Variants in MAN1A1 observed in about 807,000 individuals in gnomAD.
MAN1A1 encodes mannosyl-oligosaccharide 1,2-alpha-mannosidase IA.
In MAN1A1, 29 loss-of-function variants were observed where a neutral mutation model predicts 70.8. That is an observed-to-expected ratio of 0.41 (90% confidence interval 0.31 to 0.56). The LOEUF (loss-of-function observed/expected upper bound fraction) is 0.56, where lower values mean the gene tolerates loss of function less well. Among genes scored for constraint, MAN1A1 ranks in the 20% least tolerant of loss-of-function variants. MAN1A1 has a pLI of 0.29. For synonymous variants in MAN1A1, 349 were observed against 330.1 expected, an observed-to-expected ratio of 1.06 and a Z score of -0.62; for missense variants, 747 against 841.3, an observed-to-expected ratio of 0.89 and a Z score of 1.39.
At chr6:119,328,560 T>A (rs1292475181) in intron 2 of MAN1A1, among the ~76,000 whole-genome samples, 1 of 152,192 alleles carries the variant, frequency 6.6e-6, no homozygotes, top group East Asian at 1.9e-4. Flanking sequence ...AGAAAAATAA[T>A]TTTCTGCTGT....
At chr6:119,183,475 A>G (rs1316840680) in intron 11 of MAN1A1, among the ~76,000 whole-genome samples, 1 of 148,606 alleles carries the variant, frequency 6.7e-6, no homozygotes, top group Non-Finnish European at 1.5e-5. Flanking sequence ...TAAAAAAAGG[A>G]AAAAAATCAG....
intron 2 of MAN1A1, among the ~76,000 whole-genome samples, chr6:119,325,011 C>T (rs1582804986): frequency 6.6e-6 from 1 of 152,210 alleles, no homozygotes; most frequent in Admixed American, 6.5e-5. Flanking sequence ...GGAAGCAAAA[C>T]AGCCTTAGTT....
At chr6:119,235,466 CT>C (rs1334892348) in intron 6 of MAN1A1, among the ~76,000 whole-genome samples, 1 of 152,196 alleles carries the variant, frequency 6.6e-6, no homozygotes, top group African/African-American at 2.4e-5. Context: ...CCCTAACTCT[CT>C]TTAATTCTAC....
At chr6:119,187,005 A>G (rs1426043186) in intron 11 of MAN1A1, among the ~76,000 whole-genome samples, 4 of 152,222 alleles carry the variant, frequency 2.6e-5, no homozygotes, top group Non-Finnish European at 4.4e-5. Context: ...ATCATAACAC[A>G]TAAACCAACC....
chr6:119,251,894 C>T (rs1775326949), intron 5 of MAN1A1, among the ~76,000 whole-genome samples: 1 of 152,222 alleles, frequency 6.6e-6, no homozygotes, highest in Non-Finnish European at 1.5e-5. Context: ...TTTCCTCTGC[C>T]TGCAATGCTC....
At chr6:119,208,339 T>C (rs988110855) in intron 6 of MAN1A1, among the ~76,000 whole-genome samples, 1 of 152,208 alleles carries the variant, frequency 6.6e-6, no homozygotes, top group African/African-American at 2.4e-5. Context: ...ATTTTCAGTA[T>C]TCTATAAAGG....
chr6:119,282,725 G>A (rs1290942198), intron 5 of MAN1A1, among the ~76,000 whole-genome samples: 5 of 151,714 alleles, frequency 3.3e-5, no homozygotes, highest in Admixed American at 2.0e-4. Flanking sequence ...AGAAATCAAA[G>A]GGCCAAACAT....
chr6:119,324,763 T>C (rs1403808333), intron 2 of MAN1A1, among the ~76,000 whole-genome samples: 1 of 152,198 alleles, frequency 6.6e-6, no homozygotes, highest in Non-Finnish European at 1.5e-5. Flanking sequence ...ATGAATATTT[T>C]ATTTGACAAT....
At chr6:119,221,815 C>G (rs771713964) in intron 6 of MAN1A1, among the ~76,000 whole-genome samples, 24 of 152,068 alleles carry the variant, frequency 1.6e-4, no homozygotes, top group South Asian at 2.1e-4. Flanking sequence ...GAAAAAGTAA[C>G]AGCAAGAGTG....
At chr6:119,292,221 C>T (rs1297153546) in intron 4 of MAN1A1, among the ~76,000 whole-genome samples, 1 of 151,902 alleles carries the variant, frequency 6.6e-6, no homozygotes. Context: ...AATAGCTAAC[C>T]TACTATTTAG....
Position 119,348,791 on chromosome 6 carries a change from GC to G in MAN1A1, c.274del (p.Ala92ArgfsTer111). ...CCCCTCGGCCGCGTCCTCGGCGCGC[GC>G]CCCGGGCCCGGGCTTGTGGTCGGCG... Reference protein sequence around the residue: ...PAADHKPGPGARAEDAAEGRA... With the variant: ...PAADHKPGPGXRAEDAAEGRA... On this transcript the variant is annotated frameshift_variant, in exon 2 of 13. Coordinates refer to ENST00000368468, the MANE Select transcript of MAN1A1 (RefSeq NM_005907.4). LOFTEE classifies it high-confidence loss of function. 2 of 1,405,038 alleles carry G rather than the reference GC, an allele frequency of 1.4e-6. No homozygotes were observed. Among genetic ancestry groups the G allele is most frequent in the Non-Finnish European group, 1.9e-6 (2 of 1,078,946 alleles). 87.0% of individuals were successfully genotyped at this position (1,405,038 alleles called of 1,614,324 possible).
In MAN1A1 at chr6:119,323,248, T is replaced by G. The variant is rs3798645; in HGVS notation, c.604-16256A>C. The stretch of plus-strand genomic sequence containing the variant: ...TTCTTCCTTTTAAATAAGGAGTCAG[T>G]GTGTTTCCCTTTATGCCTATAGATT... On this transcript the variant is annotated intron_variant, in intron 2 of 12. Transcript: ENST00000368468. Among the ~76,000 whole-genome samples the G allele has an allele frequency of 5.9e-3, 894 of 152,304 alleles. 29 individuals are homozygous for G. In the East Asian group the frequency reaches 0.091, roughly 15 times the overall value.
At position 119,202,858 on chromosome 6, in the gene MAN1A1, A is replaced by C. The variant is rs571058381; in HGVS notation, c.1117-1511T>G. ...GCTATGGATTGAACTGCATACCCCT[A>C]ATTTCATATGCTGAAACCCTACTTC... On this transcript the variant is annotated intron_variant, in intron 7 of 12. Coordinates refer to ENST00000368468, the MANE Select transcript of MAN1A1 (RefSeq NM_005907.4). 7.9e-5 allele frequency among the ~76,000 whole-genome samples: 12 copies of C among 152,352 alleles called. 1 individual carries two copies. The South Asian group carries it at 1.7e-3, about 21-fold the overall frequency.
intron 5 of MAN1A1, among the ~76,000 whole-genome samples, chr6:119,253,131 G>A (rs1292627383): frequency 6.6e-6 from 1 of 152,106 alleles, no homozygotes; most frequent in African/African-American, 2.4e-5. Context: ...GACAAAAAGT[G>A]GATTTTATAT....
rs138426595 is a variant in MAN1A1 at position 119,277,250 on chromosome 6, T to C, written c.897+13433A>G. On this transcript the variant is annotated intron_variant, in intron 5 of 12. Transcript: ENST00000368468. ...CCTCTCTTGGGAAAACATTTCATCA[T>C]GTAGCAGAAGTGACTTCGTTATTAT... 9.5e-3 allele frequency among the ~76,000 whole-genome samples: 1,447 copies of C among 152,304 alleles called. 16 individuals are homozygous for C. The highest frequency in any genetic ancestry group is 0.032 in the African/African-American group (1,347 of 41,564).
chr6:119,181,909 C>A (rs1052611171), intron 11 of MAN1A1, among the ~76,000 whole-genome samples: 3 of 152,156 alleles, frequency 2.0e-5, no homozygotes, highest in African/African-American at 7.2e-5. Context: ...ATTAGGATTG[C>A]TGGATCATAT....
At chr6:119,238,408 CATACT>C (rs1479657676) in intron 6 of MAN1A1, among the ~76,000 whole-genome samples, 5 of 152,182 alleles carry the variant, frequency 3.3e-5, no homozygotes, top group Non-Finnish European at 7.3e-5. Flanking sequence ...CATACAAATT[CATACT>C]ACTTGTATAA....
intron 3 of MAN1A1, among the ~76,000 whole-genome samples, chr6:119,304,868 C>G (rs1042862650): frequency 6.6e-6 from 1 of 152,166 alleles, no homozygotes; most frequent in African/African-American, 2.4e-5. Flanking sequence ...TATCCTCTCC[C>G]TGGTTTGCTG....
At chr6:119,297,735 C>CTTTT (rs386408421) in intron 4 of MAN1A1, among the ~76,000 whole-genome samples, 6 of 95,682 alleles carry the variant, frequency 6.3e-5, no homozygotes, top group East Asian at 6.1e-4. Flanking sequence ...AAATAGTTTC[C>CTTTT]TTTTTTTTTT....
Sources: gnomAD v4.1 joint callset for allele counts (sites outside exome capture counted in the v4.1 genomes callset) on GRCh38, gnomAD v4.1.1 for gene constraint, MANE v1.5 for transcripts, NCBI Gene and HGNC (gene_info 2026-07-23, HGNC 2026-07-21) for gene names.